RGL1: variants seen among roughly 807,000 people sequenced by gnomAD.
RGL1 encodes the protein ral guanine nucleotide dissociation stimulator like 1, also known as ral guanine nucleotide dissociation stimulator-like 1.
A neutral mutation model predicts 95.2 loss-of-function variants in RGL1; 24 were observed. The observed-to-expected ratio is 0.25, with a 90% CI of 0.18 to 0.35. The LOEUF (loss-of-function observed/expected upper bound fraction) is 0.35, where lower values mean the gene tolerates loss of function less well. Among genes scored for constraint, RGL1 ranks in the 10% least tolerant of loss-of-function variants. The pLI, the probability that RGL1 is intolerant of heterozygous loss-of-function variation, is 1.00. For missense variants in RGL1, 715 were observed against 936.3 expected (o/e 0.76, Z 3.08); for synonymous variants, 329 against 344.9 (o/e 0.95, Z 0.51).
At chr1:183,804,656 G>A (rs928907680), upstream of RGL1, among the ~76,000 whole-genome samples, 2 of 152,236 alleles carry the variant, frequency 1.3e-5, no homozygotes, top group East Asian at 1.9e-4. Flanking sequence ...TGCTGATGCA[G>A]GAGAGGGTAT....
chr1:183,821,002 G>A (rs1662447500), intron 2 of RGL1, among the ~76,000 whole-genome samples: 2 of 151,940 alleles, frequency 1.3e-5, no homozygotes, highest in South Asian at 4.2e-4. Context: ...GCGTGGTGGT[G>A]GGCGCCTGTA....
chr1:183,815,700 A>G (rs1414800483), intron 2 of RGL1, among the ~76,000 whole-genome samples: 1 of 152,162 alleles, frequency 6.6e-6, no homozygotes, highest in Non-Finnish European at 1.5e-5. Context: ...GAAGTTACTT[A>G]ACCTCTCTAG....
chr1:183,746,278 T>C (rs998053401), intron 2 of RGL1, among the ~76,000 whole-genome samples: 1 of 152,134 alleles, frequency 6.6e-6, no homozygotes, highest in Non-Finnish European at 1.5e-5. Flanking sequence ...AAAAAGTCTT[T>C]ACTGCATATG....
chr1:183,796,297 T>C (rs1321207876), intron 2 of RGL1, among the ~76,000 whole-genome samples: 1 of 151,870 alleles, frequency 6.6e-6, no homozygotes, highest in African/African-American at 2.4e-5. Flanking sequence ...CCCGAGTAGC[T>C]GGGATACAGG....
intron 1 of RGL1, among the ~76,000 whole-genome samples, chr1:183,702,051 A>T (rs1462711994): frequency 6.6e-6 from 1 of 152,196 alleles, no homozygotes; most frequent in Non-Finnish European, 1.5e-5. Flanking sequence ...AGGTATGTCA[A>T]CTCTAGCTAT....
At chr1:183,906,562 T>A (rs750648403) in intron 13 of RGL1, among the ~76,000 whole-genome samples, 1 of 152,136 alleles carries the variant, frequency 6.6e-6, no homozygotes, top group Non-Finnish European at 1.5e-5. Context: ...AGTCTCTTCA[T>A]TTTCTTTAGA....
chr1:183,785,310 C>G (rs144077617), intron 2 of RGL1, among the ~76,000 whole-genome samples: 4 of 152,160 alleles, frequency 2.6e-5, no homozygotes, highest in African/African-American at 9.7e-5. Context: ...CTTTGGCATC[C>G]ATGCCTTTGC....
In RGL1 at chr1:183,805,254, A is replaced by G. The variant is rs779407632; in HGVS notation, c.-44A>G. 52 of 1,607,778 alleles carry G rather than the reference A, an allele frequency of 3.2e-5. No individual in the cohort carries two copies. Among genetic ancestry groups the G allele is most frequent in the Non-Finnish European group, 4.2e-5 (50 of 1,177,754 alleles). ...GCAGACATTGCGTTGGCCTCCGAGC[A>G]GGGCGCATCATGCAGCGTTCGCGCA... On this transcript the variant is annotated 5_prime_UTR_variant, in exon 1 of 18. Coordinates refer to ENST00000360851, the MANE Select transcript of RGL1 (RefSeq NM_001297671.3).
chr1:183,656,113 CTTT>C (rs60220835), intron 1 of RGL1, among the ~76,000 whole-genome samples: 2 of 144,972 alleles, frequency 1.4e-5, no homozygotes, highest in Non-Finnish European at 3.0e-5. Context: ...CTTTTCTTTT[CTTT>C]TTTTTTTCTC....
Position 183,916,662 on chromosome 1 carries a change from T to A in RGL1, c.1965T>A (p.Ser655Arg), listed in dbSNP as rs751939887. ...QNEDTCIIRISVEDNNGNMYK... is the reference protein window; with the variant it reads ...QNEDTCIIRIRVEDNNGNMYK... ...AAGACACCTGCATAATCCGCATCAG[T>A]GTGGAAGACAATAACGGCAACATGT... Residue 655 changes from serine to arginine, a missense_variant, in exon 16 of 18, where the codon AGT (serine) becomes AGA (arginine). Ser to Arg is a moderately radical substitution (Grantham distance 110). Transcript: ENST00000360851. 6.2e-7 allele frequency: 1 copy of A among 1,613,752 alleles called. No individual in the cohort carries two copies. Among genetic ancestry groups the A allele is most frequent in the East Asian group, 2.2e-5 (1 of 44,858 alleles).
At chr1:183,678,989 G>A (rs148823643) in intron 1 of RGL1, among the ~76,000 whole-genome samples, 13 of 152,306 alleles carry the variant, frequency 8.5e-5, no homozygotes, top group Admixed American at 5.2e-4. Context: ...ACTAGGAGAC[G>A]TGAGTACCAA....
intron 13 of RGL1, among the ~76,000 whole-genome samples, chr1:183,906,130 G>C (rs1424301852): frequency 6.6e-6 from 1 of 152,138 alleles, no homozygotes; most frequent in African/African-American, 2.4e-5. Context: ...AAAACTTGAG[G>C]TTTAGAGAAA....
In RGL1 at chr1:183,884,853, G is replaced by A. The variant is rs751628828; in HGVS notation, c.866G>A (p.Cys289Tyr). 3.7e-6 allele frequency: 6 copies of A among 1,614,080 alleles called. No individual in the cohort carries two copies. The highest frequency in any genetic ancestry group is 2.2e-5 in the South Asian group (2 of 91,078). ...TISQFNTLTKCVVSTILGGKE... is the reference protein window; with the variant it reads ...TISQFNTLTKYVVSTILGGKE... ...TCTCAGTTTAATACCCTCACCAAATGTGTTGTCAGCACCATCCTGGGGGGC... is the reference window on the plus strand; with the variant it reads ...TCTCAGTTTAATACCCTCACCAAATATGTTGTCAGCACCATCCTGGGGGGC... The change falls in exon 7 of 18, where the codon TGT (cysteine) becomes TAT (tyrosine). Residue 289 changes from cysteine (C) to tyrosine (Y), a missense_variant. Cys to Tyr is a radical substitution (Grantham distance 194). This residue lies in a region of RGL1 where 381 missense variants were observed against 484.8 expected (regional missense o/e 0.79). Transcript: ENST00000360851.
chr1:183,772,231 C>T (rs953796125), intron 2 of RGL1, among the ~76,000 whole-genome samples: 3 of 152,178 alleles, frequency 2.0e-5, no homozygotes, highest in African/African-American at 4.8e-5. Flanking sequence ...AGCTGGTTAA[C>T]ACAAGCCGCC....
intron 3 of RGL1, among the ~76,000 whole-genome samples, chr1:183,855,952 G>A (rs1665115431): frequency 6.6e-6 from 1 of 152,008 alleles, no homozygotes; most frequent in Admixed American, 6.6e-5. Flanking sequence ...ATCGAAATTA[G>A]CAGAGAGGGT....
intron 1 of RGL1, among the ~76,000 whole-genome samples, chr1:183,734,966 G>C (rs1167403885): frequency 6.6e-6 from 1 of 152,162 alleles, no homozygotes; most frequent in African/African-American, 2.4e-5. Flanking sequence ...TCCTTGTGTT[G>C]GCCCTCTGTG....
intron 1 of RGL1, among the ~76,000 whole-genome samples, chr1:183,694,452 T>C (rs1451191576): frequency 6.6e-6 from 1 of 152,276 alleles, no homozygotes; most frequent in Admixed American, 6.5e-5. Context: ...TATGTTATTC[T>C]GGATTTGAAA....
At chr1:183,818,724 T>C (rs1474761126) in intron 2 of RGL1, among the ~76,000 whole-genome samples, 1 of 152,246 alleles carries the variant, frequency 6.6e-6, no homozygotes, top group Non-Finnish European at 1.5e-5. Flanking sequence ...GAGCATCTTA[T>C]AAATTGTTTG....
At chr1:183,665,649 G>T (rs1017195265) in intron 1 of RGL1, among the ~76,000 whole-genome samples, 3 of 152,212 alleles carry the variant, frequency 2.0e-5, no homozygotes, top group South Asian at 4.1e-4. Context: ...TTTTATCTAG[G>T]TTGTCAAATA....
Sources: allele counts gnomAD v4.1 joint callset (sites outside exome capture counted in the v4.1 genomes callset), GRCh38; gene constraint gnomAD v4.1.1; regional missense constraint gnomAD v4.1.1; transcripts MANE v1.5; gene names NCBI Gene and HGNC (gene_info 2026-07-23, HGNC 2026-07-21).